The following ELOVL7 variants were observed in gnomAD, a reference collection of about 807,000 sequenced individuals.
The protein encoded by ELOVL7 is ELOVL fatty acid elongase 7.
A neutral mutation model predicts 35.7 loss-of-function variants in ELOVL7; 27 were observed. The ratio of observed to expected loss-of-function variants is 0.76; its 90% CI spans 0.56 to 1.04. The LOEUF (loss-of-function observed/expected upper bound fraction) is 1.04, where lower values mean the gene tolerates loss of function less well. Among genes scored for constraint, ELOVL7 ranks in the 50% least tolerant of loss-of-function variants. The pLI is 0.00. For missense variants in ELOVL7, 327 were observed against 340.8 expected, an observed-to-expected ratio of 0.96 and a Z score of 0.32; for synonymous variants, 113 against 114.6, an observed-to-expected ratio of 0.99 and a Z score of 0.09.
chr5:60,805,355 AG>A (rs1744862859), intron 1 of ELOVL7, among the ~76,000 whole-genome samples: 1 of 152,220 alleles, frequency 6.6e-6, no homozygotes, highest in Non-Finnish European at 1.5e-5. Flanking sequence ...GGTAACATAC[AG>A]GGCTAAGGAT....
At chr5:60,778,062 G>A (rs950947883) in intron 3 of ELOVL7, among the ~76,000 whole-genome samples, 1 of 152,198 alleles carries the variant, frequency 6.6e-6, no homozygotes, top group Non-Finnish European at 1.5e-5. Flanking sequence ...TCTAAATCAG[G>A]AAAAACTTTG....
chr5:60,807,377 G>T lies in ELOVL7; in HGVS notation c.-85-8147C>A, dbSNP rs1744991554. ...ATGTCCTTGGGCTACAGGAAAAAAT[G>T]ACTATAAACTGAAATTATCAGCCCT... On this transcript the variant is annotated intron_variant, in intron 1 of 8. Coordinates refer to ENST00000508821, the MANE Select transcript of ELOVL7 (RefSeq NM_024930.3). Among the ~76,000 whole-genome samples the T allele has an allele frequency of 2.0e-5, 3 of 151,932 alleles. No individual in the cohort carries two copies. The South Asian group carries it at 6.3e-4, about 32-fold the overall frequency.
At chr5:60,757,380 TG>T in intron 8 of ELOVL7, 128 bp downstream of exon 8, 1 of 821,062 alleles carries the variant, frequency 1.2e-6, no homozygotes, top group Non-Finnish European at 1.8e-6. Context: ...TGGCATATCA[TG>T]TAGGGGCCAG....
intron 8 of ELOVL7, among the ~76,000 whole-genome samples, chr5:60,755,517 C>A (rs963151707): frequency 6.6e-6 from 1 of 152,130 alleles, no homozygotes; most frequent in African/African-American, 2.4e-5. Flanking sequence ...ATTAGCCGGG[C>A]GCAGTGGTAC....
intron 1 of ELOVL7, among the ~76,000 whole-genome samples, chr5:60,830,272 G>A (rs375942814): frequency 2.6e-5 from 4 of 152,326 alleles, no homozygotes; most frequent in Admixed American, 1.3e-4. Flanking sequence ...ATTCTTGTGG[G>A]AAGACATACA....
chr5:60,816,528 C>T (rs1745528310), intron 1 of ELOVL7, among the ~76,000 whole-genome samples: 1 of 152,132 alleles, frequency 6.6e-6, no homozygotes, highest in East Asian at 1.9e-4. Context: ...TATACCCCAC[C>T]ACAACCCACA....
At chr5:60,771,863 C>A in intron 4 of ELOVL7, 40 bp downstream of exon 4, 1 of 1,423,896 alleles carries the variant, frequency 7.0e-7, no homozygotes, top group South Asian at 1.4e-5. Context: ...CAGAAAAACT[C>A]AGGCAAAATT....
At chr5:60,803,689 T>G (rs1395713555) in intron 1 of ELOVL7, among the ~76,000 whole-genome samples, 1 of 152,194 alleles carries the variant, frequency 6.6e-6, no homozygotes, top group Non-Finnish European at 1.5e-5. Context: ...CATGAACTCA[T>G]GTTGTTCTGA....
At chr5:60,825,232 C>T (rs988546047) in intron 1 of ELOVL7, among the ~76,000 whole-genome samples, 2 of 152,122 alleles carry the variant, frequency 1.3e-5, no homozygotes, top group African/African-American at 4.8e-5. Flanking sequence ...CCTTGTCCTT[C>T]CCTGAACACA....
intron 1 of ELOVL7, among the ~76,000 whole-genome samples, chr5:60,801,118 G>T (rs1487910064): frequency 1.3e-5 from 2 of 151,956 alleles, no homozygotes; most frequent in East Asian, 3.9e-4. Flanking sequence ...GTAGAGATGG[G>T]TGTCTTACTA....
At position 60,783,050 on chromosome 5, in the gene ELOVL7, T is replaced by C. The variant is rs1276600815; in HGVS notation, c.64+4284A>G. Reference sequence around the variant, plus strand: ...CATCACTTTGTACCCCATAAATATATGTAATTATAATTTGTCAGCAGCCAA... The same window carrying C: ...CATCACTTTGTACCCCATAAATATACGTAATTATAATTTGTCAGCAGCCAA... On this transcript the variant is annotated intron_variant, in intron 3 of 8. Transcript: ENST00000508821. 5.9e-5 allele frequency among the ~76,000 whole-genome samples: 9 copies of C among 152,194 alleles called. No homozygotes were observed. In the East Asian group the frequency reaches 1.2e-3, roughly 20 times the overall value.
chr5:60,811,193 T>C (rs1745220339), intron 1 of ELOVL7, among the ~76,000 whole-genome samples: 1 of 152,142 alleles, frequency 6.6e-6, no homozygotes, highest in African/African-American at 2.4e-5. Flanking sequence ...ACTTTGCAAA[T>C]TAGCTGCATT....
intron 1 of ELOVL7, among the ~76,000 whole-genome samples, chr5:60,816,840 T>C (rs1240823515): frequency 6.6e-6 from 1 of 152,206 alleles, no homozygotes; most frequent in Admixed American, 6.5e-5. Context: ...CCATATCTCA[T>C]ATTAAAACAA....
intron 1 of ELOVL7, among the ~76,000 whole-genome samples, chr5:60,830,007 C>T (rs1362911355): frequency 6.6e-6 from 1 of 152,182 alleles, no homozygotes. Flanking sequence ...TCTTTCTCCT[C>T]CCCCTGATCA....
chr5:60,791,651 G>A (rs187562135), intron 2 of ELOVL7, among the ~76,000 whole-genome samples: 53 of 152,248 alleles, frequency 3.5e-4, no homozygotes, highest in African/African-American at 1.3e-3. Context: ...TACTTTAAGA[G>A]CTAGCATATA....
Position 60,764,274 on chromosome 5 carries a change from T to A in ELOVL7, c.452A>T (p.His151Leu). ...SQVTFLHVFH[H>L]TIMPWTWWFG... ...CCACCAGGTCCACGGCATGATGGTA[T>A]GATGGAATACATGAAGGAAAGTCAC... The change falls in exon 7 of 9, where the codon CAT (histidine) becomes CTT (leucine). Residue 151 changes from histidine (H) to leucine (L), a missense_variant. By Grantham distance (99) the His-to-Leu change is moderately conservative (BLOSUM62 -3). Transcript: ENST00000508821. 6.2e-7 allele frequency: 1 copy of A among 1,613,854 alleles called. No individual in the cohort carries two copies.
chr5:60,811,603 A>G (rs1219138081), intron 1 of ELOVL7, among the ~76,000 whole-genome samples: 5 of 152,210 alleles, frequency 3.3e-5, no homozygotes, highest in African/African-American at 1.2e-4. Flanking sequence ...TCATGGATGT[A>G]TGGATTAACG....
chr5:60,813,167 G>A (rs1319218859), intron 1 of ELOVL7, among the ~76,000 whole-genome samples: 1 of 152,086 alleles, frequency 6.6e-6, no homozygotes, highest in Non-Finnish European at 1.5e-5. Context: ...ACCTTCACAG[G>A]CGTTAATGGC....
intron 1 of ELOVL7, among the ~76,000 whole-genome samples, chr5:60,812,230 T>C (rs115433731): frequency 0.013 from 1,998 of 152,074 alleles, 21 homozygotes; most frequent in Non-Finnish European, 0.021. Flanking sequence ...TCAAAATAAA[T>C]AAATTAATTA....
Sources: allele counts gnomAD v4.1 joint callset (sites outside exome capture counted in the v4.1 genomes callset), GRCh38; gene constraint gnomAD v4.1.1; transcripts MANE v1.5; gene names NCBI Gene and HGNC (gene_info 2026-07-23, HGNC 2026-07-21).